DEUP1: variants seen among roughly 807,000 people sequenced by gnomAD.
DEUP1 encodes coiled-coil domain containing 67.
A neutral mutation model predicts 87.4 loss-of-function variants in DEUP1; 82 were observed. That is an observed-to-expected ratio of 0.94 (90% CI 0.78 to 1.13). The LOEUF is 1.13. Ranked by LOEUF, DEUP1 falls within the 50% of genes most tolerant of loss-of-function variation. The pLI is 0.00. For synonymous variants in DEUP1, 214 were observed against 222.7 expected, an observed-to-expected ratio of 0.96 and a Z score of 0.35; for missense variants, 663 against 681.5, an observed-to-expected ratio of 0.97 and a Z score of 0.30.
intron 8 of DEUP1, 82 bp from the exon 9 acceptor site, chr11:93,388,938 A>G: frequency 1.3e-6 from 1 of 780,902 alleles, no homozygotes; most frequent in Non-Finnish European, 2.1e-6. Flanking sequence ...CGCAGCCTGT[A>G]ATGGTCTAAA....
intron 13 of DEUP1, among the ~76,000 whole-genome samples, chr11:93,426,994 T>TAAAAAAAAAAAAAAAAAAAAAAAAA (rs1157644297): frequency 3.4e-4 from 1 of 2,910 alleles, no homozygotes; most frequent in Admixed American, 7.7e-3. Context: ...TAGAGTATAA[T>TAAAAAAAAAAAAAAAAAAAAAAAAA]AAAAAAAAAA....
rs113451598 is a variant in DEUP1, at chr11:93,331,265, A to G, written c.-45+493A>G. ...TACCTCCTTGAATGTTCTTTAATTGACTTTTATTCAGTGATTCGGAGGAGT... is the reference window on the plus strand; with the variant it reads ...TACCTCCTTGAATGTTCTTTAATTGGCTTTTATTCAGTGATTCGGAGGAGT... On this transcript the variant is annotated intron_variant, in intron 1 of 13. Transcript: ENST00000298050. Among the ~76,000 whole-genome samples the G allele has an allele frequency of 1.6e-3, 247 of 151,930 alleles. 1 individual carries two copies. The highest frequency in any genetic ancestry group is 5.7e-3 in the African/African-American group (235 of 41,408).
At chr11:93,337,031 T>C (rs1033907553) in intron 2 of DEUP1, among the ~76,000 whole-genome samples, 1 of 152,208 alleles carries the variant, frequency 6.6e-6, no homozygotes, top group African/African-American at 2.4e-5. Flanking sequence ...ATCTTAGCCA[T>C]TGATCTCATT....
At chr11:93,380,502 G>A (rs1052593427) in intron 7 of DEUP1, among the ~76,000 whole-genome samples, 5 of 152,072 alleles carry the variant, frequency 3.3e-5, no homozygotes, top group East Asian at 1.9e-4. Flanking sequence ...CCAGGTTCAC[G>A]CCATTCTTCT....
intron 11 of DEUP1, among the ~76,000 whole-genome samples, chr11:93,404,633 ATTAT>A (rs1947215611): frequency 6.6e-6 from 1 of 152,066 alleles, no homozygotes; most frequent in African/African-American, 2.4e-5. Context: ...CATGCAAAAT[ATTAT>A]TTAGACACTT....
At chr11:93,411,497 T>G (rs1947435934) in intron 12 of DEUP1, among the ~76,000 whole-genome samples, 1 of 148,978 alleles carries the variant, frequency 6.7e-6, no homozygotes, top group African/African-American at 2.6e-5. Flanking sequence ...CTCACTCACT[T>G]AAAATGTGAA....
chr11:93,358,021 T>A (rs1050986702), intron 4 of DEUP1, among the ~76,000 whole-genome samples: 4 of 152,180 alleles, frequency 2.6e-5, no homozygotes, highest in Non-Finnish European at 4.4e-5. Context: ...CAACCTTTAT[T>A]TTTCTATGAA....
chr11:93,411,329 G>A (rs1947428802), intron 12 of DEUP1: 1 of 152,156 alleles, frequency 6.6e-6, no homozygotes, highest in East Asian at 1.9e-4. Flanking sequence ...GAAGGAAAAA[G>A]CATTTAGATA....
intron 5 of DEUP1, among the ~76,000 whole-genome samples, chr11:93,366,164 A>G (rs369517754): frequency 1.1e-4 from 17 of 152,302 alleles, no homozygotes; most frequent in South Asian, 6.2e-4. Flanking sequence ...AAATATACCA[A>G]CAAAAAAGGG....
chr11:93,386,096 A>G (rs1372887569), intron 8 of DEUP1, among the ~76,000 whole-genome samples: 1 of 152,074 alleles, frequency 6.6e-6, no homozygotes, highest in African/African-American at 2.4e-5. Context: ...CTGGTATTCA[A>G]TTATGTATAC....
At chr11:93,346,952 A>G (rs886131324) in intron 2 of DEUP1, among the ~76,000 whole-genome samples, 22 of 152,238 alleles carry the variant, frequency 1.4e-4, no homozygotes, top group African/African-American at 4.6e-4. Context: ...GGTCAAGACT[A>G]TGGGGTTTCT....
chr11:93,418,157 C>G (rs1261969274), intron 13 of DEUP1, among the ~76,000 whole-genome samples: 1 of 151,998 alleles, frequency 6.6e-6, no homozygotes, highest in Non-Finnish European at 1.5e-5. Flanking sequence ...AAAGCAATGG[C>G]AACAAAAGCC....
rs1327623520 is a variant in DEUP1, at chr11:93,371,135, C to T, written c.644C>T (p.Pro215Leu). 6.2e-7 allele frequency: 1 copy of T among 1,612,986 alleles called. No individual in the cohort carries two copies. The highest frequency in any genetic ancestry group is 2.2e-5 in the East Asian group (1 of 44,808). Reference protein sequence around the residue: ...EIPRLICDPDPNCEINERDEF... With the variant: ...EIPRLICDPDLNCEINERDEF... ...CCTCGTTTGATATGTGACCCAGATC[C>T]CAATTGTGAAATCAATGAAAGAGAT... The change falls in exon 7 of 14, where the codon CCC becomes CTC. Residue 215 changes from proline (P) to leucine (L), a missense_variant. Transcript: ENST00000298050.
chr11:93,388,648 A>G (rs976128437), intron 8 of DEUP1, among the ~76,000 whole-genome samples: 4 of 152,178 alleles, frequency 2.6e-5, no homozygotes, highest in Admixed American at 6.5e-5. Context: ...CCTTTCCACA[A>G]TACATTAGCA....
In DEUP1 at chr11:93,419,001, G is replaced by A. The variant is rs199903949; in HGVS notation, c.1638+3887G>A. Among the ~76,000 whole-genome samples, 82 of 150,218 alleles carry A rather than the reference G, an allele frequency of 5.5e-4. 1 individual carries two copies. In the East Asian group the frequency reaches 0.013, roughly 24 times the overall value. On this transcript the variant is annotated intron_variant, in intron 13 of 13. Transcript: ENST00000298050. ...GAACAATGAGAACACATGGACACAGGAAGGGGAACATCACACTCTGGGGAC... is the reference window on the plus strand; with the variant it reads ...GAACAATGAGAACACATGGACACAGAAAGGGGAACATCACACTCTGGGGAC...
chr11:93,412,718 C>T (rs1236569820), intron 12 of DEUP1, among the ~76,000 whole-genome samples: 4 of 151,754 alleles, frequency 2.6e-5, no homozygotes, highest in African/African-American at 4.8e-5. Context: ...TTTTTTTCAC[C>T]GTGCTTTGAA....
chr11:93,336,436 A>T (rs1322363298), intron 2 of DEUP1, among the ~76,000 whole-genome samples: 2 of 152,054 alleles, frequency 1.3e-5, no homozygotes, highest in African/African-American at 4.8e-5. Context: ...AGTGGTCTTT[A>T]CTCCATAGTC....
chr11:93,353,575 C>A (rs998303375), intron 2 of DEUP1, among the ~76,000 whole-genome samples: 5 of 152,192 alleles, frequency 3.3e-5, no homozygotes, highest in Non-Finnish European at 7.4e-5. Context: ...CTGTGAGGGC[C>A]CCGCCCCGAA....
At chr11:93,433,816 T>G (rs780140260) in intron 13 of DEUP1, among the ~76,000 whole-genome samples, 15 of 152,148 alleles carry the variant, frequency 9.9e-5, no homozygotes, top group Non-Finnish European at 2.1e-4. Context: ...CAAACTAGTA[T>G]AGCCTGGTGT....
Sources: gnomAD v4.1 joint callset for allele counts (sites outside exome capture counted in the v4.1 genomes callset) on GRCh38, gnomAD v4.1.1 for gene constraint, MANE v1.5 for transcripts, NCBI Gene and HGNC (gene_info 2026-07-23, HGNC 2026-07-21) for gene names.